COL6A2: variants seen among roughly 807,000 people sequenced by gnomAD.
The protein encoded by COL6A2 is collagen alpha-2(VI) chain.
COL6A2 carries 90 observed loss-of-function variants against 124.9 expected under a neutral mutation model. The observed-to-expected ratio is 0.72, with a 90% CI of 0.61 to 0.86. The LOEUF is 0.86. Among genes scored for constraint, COL6A2 ranks in the 40% least tolerant of loss-of-function variants. COL6A2 has a pLI of 0.00. For missense variants in COL6A2, 1,607 were observed against 1,502.5 expected, an observed-to-expected ratio of 1.07 and a Z score of -1.15; for synonymous variants, 793 against 618.2, an observed-to-expected ratio of 1.28 and a Z score of -4.19.
At chr21:46,114,792 C>A (rs1349791202) in intron 5 of COL6A2, among the ~76,000 whole-genome samples, 1 of 152,184 alleles carries the variant, frequency 6.6e-6, no homozygotes, top group African/African-American at 2.4e-5. Context: ...AAATAAAGTC[C>A]TTCCAAAACT....
chr21:46,128,225 G>T (rs778142959), intron 27 of COL6A2, among the ~76,000 whole-genome samples: 2 of 152,170 alleles, frequency 1.3e-5, no homozygotes, highest in African/African-American at 2.4e-5. Context: ...TGAAGCTCTG[G>T]CCTCTTCTGA....
intron 21 of COL6A2, among the ~76,000 whole-genome samples, chr21:46,123,828 GTGCATAAAGGATGGA>G (rs1420472600): frequency 1.4e-5 from 2 of 148,074 alleles, no homozygotes; most frequent in Non-Finnish European, 3.0e-5. Flanking sequence ...GAATGGATGG[GTGCATAAAGGATGGA>G]TGGATGAATG....
rs760573983 is a variant in COL6A2 at position 46,119,795 on chromosome 21, G to C, written c.1277G>C (p.Arg426Thr). 2 of 1,562,030 alleles carry C rather than the reference G, an allele frequency of 1.3e-6. No homozygotes were observed. Among genetic ancestry groups the C allele is most frequent in the African/African-American group, 2.7e-5 (2 of 74,084 alleles). Residue 426 changes from arginine (R) to threonine (T), a missense_variant, in exon 15 of 28, where the codon AGG becomes ACG. Physicochemically the swap from Arg to Thr is moderately conservative, Grantham distance 71. Transcript: ENST00000300527. Reference sequence around the variant, plus strand: ...CACGCCTGTTCTCTGCAGGGGCGCAGGGGAGACCCCGGCACCAAGGGCAGC... The same window carrying C: ...CACGCCTGTTCTCTGCAGGGGCGCACGGGAGACCCCGGCACCAAGGGCAGC... ...PRGPKGEPGR[R>T]GDPGTKGSPG...
In COL6A2 at chr21:46,132,493, G is replaced by C. The variant is rs750682710; in HGVS notation, c.3001G>C (p.Asp1001His). Residue 1001 changes from aspartate (D) to histidine (H), a missense_variant, in exon 28 of 28, where the codon GAC becomes CAC. Physicochemically the swap from Asp to His is moderately conservative, Grantham distance 81 (BLOSUM62 -1). Around this residue, in one of 3 missense-constraint regions of COL6A2, gnomAD observed 1,223 missense variants for 1,052.2 expected, o/e 1.16. Transcript: ENST00000300527. ...CCGCGCCGCCGTGTTCCACGAGAAG[G>C]ACTATGACAGCCTGGCGCAACCCGG... ...GDRAAVFHEK[D>H]YDSLAQPGFF... 1 of 1,608,052 alleles carries C rather than the reference G, an allele frequency of 6.2e-7. No homozygotes were observed. The highest frequency in any genetic ancestry group is 1.7e-5 in the Admixed American group (1 of 59,938).
In COL6A2 at chr21:46,125,891, G is replaced by A. The variant is rs770056587; in HGVS notation, c.2076G>A (p.Lys692=). The part of the protein sequence containing the change: ...DSLSSFKEAV[K]NLEWIAGGTW... ...TGTCGAGCTTCAAGGAGGCTGTCAA[G>A]AACCTCGAGTGGATTGCGGGCGGCA... The change falls in exon 26 of 28, where the codon AAG becomes AAA. Residue 692 remains lysine, a synonymous_variant. Coordinates refer to ENST00000300527, the MANE Select transcript of COL6A2 (RefSeq NM_001849.4). 1.9e-6 allele frequency: 3 copies of A among 1,613,212 alleles called. No individual in the cohort carries two copies. Among genetic ancestry groups the A allele is most frequent in the Non-Finnish European group, 2.5e-6 (3 of 1,179,990 alleles).
At position 46,112,602 on chromosome 21, in the gene COL6A2, C is replaced by G. The variant is rs1392822167; in HGVS notation, c.714+25C>G. On this transcript the variant is annotated intron_variant, in intron 3 of 27. Coordinates refer to ENST00000300527, the MANE Select transcript of COL6A2 (RefSeq NM_001849.4). Reference sequence around the variant, plus strand: ...GGTGAGCCGCGGGCGGGAGCACCGTCCACGCGCCAGGGGTGGCCACGGTGG... The same window carrying G: ...GGTGAGCCGCGGGCGGGAGCACCGTGCACGCGCCAGGGGTGGCCACGGTGG... The G allele has an allele frequency of 5.6e-6, 9 of 1,610,568 alleles. No homozygotes were observed. In the South Asian group the frequency reaches 9.9e-5, roughly 18 times the overall value.
chr21:46,107,891 C>G (rs915225123), intron 1 of COL6A2, among the ~76,000 whole-genome samples: 8 of 152,164 alleles, frequency 5.3e-5, no homozygotes, highest in Non-Finnish European at 1.0e-4. Context: ...TGCACCCCAG[C>G]CACCTTGGGT....
chr21:46,126,044 C>T lies in COL6A2; in HGVS notation c.2229C>T (p.Asn743=), dbSNP rs1163646878. The T allele has an allele frequency of 1.9e-6, 3 of 1,613,078 alleles. No homozygotes were observed. Among genetic ancestry groups the T allele is most frequent in the Non-Finnish European group, 2.5e-6 (3 of 1,179,998 alleles). Residue 743 remains asparagine, a synonymous_variant, in exon 26 of 28, where the codon AAC becomes AAT. Coordinates refer to ENST00000300527, the MANE Select transcript of COL6A2 (RefSeq NM_001849.4). The stretch of plus-strand genomic sequence containing the variant: ...ACGACCCTCGGGACGATGACCTCAA[C>T]TTGCGGGCGCTGTGCGACCGCGACG... ...GRHDPRDDDL[N]LRALCDRDVT...
chr21:46,116,203 C>A lies in COL6A2; in HGVS notation c.900+150C>A. On this transcript the variant is annotated intron_variant, in intron 7 of 27. Transcript: ENST00000300527. This position sits in a 1 kb window ranked among gnomAD's most constrained non-coding sequence, Gnocchi z 4.6. ...CACCTCGATAACTTGATGGCCGTCC[C>A]AAAACCCAGCCTCCAGCCCGACCCA... 1 of 1,166,408 alleles carries A rather than the reference C, an allele frequency of 8.6e-7. No individual in the cohort carries two copies. Among genetic ancestry groups the A allele is most frequent in the Non-Finnish European group, 1.2e-6 (1 of 800,840 alleles). 72.3% of individuals were successfully genotyped at this position (1,166,408 alleles called of 1,614,324 possible).
In COL6A2 at chr21:46,132,411, G is replaced by C. The variant is rs1242686956; in HGVS notation, c.2919G>C (p.Val973=). 2 of 1,608,152 alleles carry C rather than the reference G, an allele frequency of 1.2e-6. No homozygotes were observed. The highest frequency in any genetic ancestry group is 4.5e-5 in the East Asian group (2 of 44,788). ...GCAAGCAGAACGTGGTACCCACCGT[G>C]CTGGCCTTGGGCAGCGACGTGGACA... The part of the protein sequence containing the change: ...SMRKQNVVPT[V]LALGSDVDMD... Residue 973 remains valine (V), a synonymous_variant, in exon 28 of 28, where the codon GTG becomes GTC. Coordinates refer to ENST00000300527, the MANE Select transcript of COL6A2 (RefSeq NM_001849.4).
rs113017484 is a variant in COL6A2, at chr21:46,112,491, G to A, written c.628G>A (p.Glu210Lys). The A allele has an allele frequency of 3.8e-4, 619 of 1,611,412 alleles. No individual in the cohort carries two copies. The highest frequency in any genetic ancestry group is 9.9e-4 in the Middle Eastern group (6 of 6,082). The change falls in exon 3 of 28, where the codon GAG becomes AAG. Residue 210 changes from glutamate to lysine, a missense_variant. Around this residue, in one of 3 missense-constraint regions of COL6A2, gnomAD observed 342 missense variants for 381.5 expected, o/e 0.90. Coordinates refer to ENST00000300527, the MANE Select transcript of COL6A2 (RefSeq NM_001849.4). ...GLRDIASTPH[E>K]LYRNDYATML... is the part of the protein sequence containing the mutation. ...GCGGGACATCGCCAGCACGCCGCAC[G>A]AGCTCTACCGCAACGACTACGCCAC...
At chr21:46,109,693 C>T (rs1318885128) in intron 1 of COL6A2, among the ~76,000 whole-genome samples, 1 of 152,194 alleles carries the variant, frequency 6.6e-6, no homozygotes, top group Non-Finnish European at 1.5e-5. Flanking sequence ...CAAGCATGCA[C>T]CCACCCGGCC....
chr21:46,132,744 G>A lies in COL6A2; in HGVS notation c.*192G>A, dbSNP rs955358272. 1.4e-4 allele frequency: 85 copies of A among 609,644 alleles called. No individual in the cohort carries two copies. Among genetic ancestry groups the A allele is most frequent in the African/African-American group, 9.5e-4 (49 of 51,796 alleles). The allele number at this position is 609,644 out of a possible 1,614,324, so 37.8% of individuals were successfully genotyped here. A position where few individuals can be genotyped will look rare whatever the true frequency, so the allele number is the denominator to read the frequency against. On this transcript the variant is annotated 3_prime_UTR_variant, in exon 28 of 28. Transcript: ENST00000300527. ...AGCCCCAGGTCTCCCCAGGCCCTCC[G>A]CAGGCTGCCCGGCCTCCCTCCCCCT...
intron 21 of COL6A2, among the ~76,000 whole-genome samples, chr21:46,123,889 CAG>C (rs1186933283): frequency 5.1e-4 from 10 of 19,532 alleles, no homozygotes; most frequent in African/African-American, 1.1e-3. Flanking sequence ...ATGGGTGAGT[CAG>C]TGGATAGATG....
Position 46,132,813 on chromosome 21 carries a change from G to A in COL6A2, c.*261G>A, listed in dbSNP as rs1361373145. The stretch of plus-strand genomic sequence containing the variant: ...CTGACCTACCTGGCCCCTGAGCTCT[G>A]GAGCAAGCCCTGACCCAATAAAGGC... On this transcript the variant is annotated 3_prime_UTR_variant, in exon 28 of 28. Transcript: ENST00000300527. 11 of 568,786 alleles carry A rather than the reference G, an allele frequency of 1.9e-5. No individual in the cohort carries two copies. The highest frequency in any genetic ancestry group is 4.8e-4 in the Middle Eastern group (1 of 2,094). 35.2% of individuals were successfully genotyped at this position (568,786 alleles called of 1,614,324 possible).
intron 27 of COL6A2, among the ~76,000 whole-genome samples, chr21:46,128,443 C>A (rs1376547981): frequency 2.0e-5 from 3 of 152,238 alleles, no homozygotes; most frequent in Admixed American, 6.5e-5. Context: ...GGCCAGGCAT[C>A]CTCCTCGGCC....
intron 2 of COL6A2, 81 bp from the exon 3 acceptor site, chr21:46,111,898 A>T: frequency 6.8e-7 from 1 of 1,464,400 alleles, no homozygotes; most frequent in East Asian, 2.3e-5. Context: ...TCAAACCCAC[A>T]AACAGGCACG....
Position 46,105,654 on chromosome 21 carries a change from T to C in COL6A2, c.-27-5796T>C, listed in dbSNP as rs76434063. The stretch of plus-strand genomic sequence containing the variant: ...AAGCTAAACTGGTATAAATTCAGTG[T>C]AGACTGTTATAATTTTAGGATGTTA... On this transcript the variant is annotated intron_variant, in intron 1 of 27. Coordinates refer to ENST00000300527, the MANE Select transcript of COL6A2 (RefSeq NM_001849.4). Among the ~76,000 whole-genome samples the C allele has an allele frequency of 1.9e-3, 287 of 152,324 alleles. 2 individuals carry two copies. Among genetic ancestry groups the C allele is most frequent in the African/African-American group, 6.6e-3 (273 of 41,564 alleles).
intron 11 of COL6A2, 161 bp downstream of exon 11, chr21:46,117,614 C>A: frequency 6.0e-6 from 5 of 829,200 alleles, no homozygotes; most frequent in South Asian, 4.6e-5. Context: ...GGGTCGGAGT[C>A]ATGTGAGGAA....
Sources: allele counts gnomAD v4.1 joint callset (sites outside exome capture counted in the v4.1 genomes callset), GRCh38; gene constraint gnomAD v4.1.1; regional missense constraint gnomAD v4.1.1; non-coding constraint Gnocchi (gnomAD v3.1); transcripts MANE v1.5; gene names NCBI Gene and HGNC (gene_info 2026-07-23, HGNC 2026-07-21).